The following METTL22 variants were observed in gnomAD, a reference collection of about 807,000 sequenced individuals.
METTL22 encodes the protein methyltransferase 22, Kin17 lysine.
In METTL22, 51 loss-of-function variants were observed where a neutral mutation model predicts 48.4. The ratio of observed to expected loss-of-function variants is 1.05; its 90% CI spans 0.84 to 1.33. The LOEUF (loss-of-function observed/expected upper bound fraction) is 1.33, where lower values mean the gene tolerates loss of function less well. Ranked by LOEUF, METTL22 falls within the 40% of genes most tolerant of loss-of-function variation. The pLI is 0.00. For missense variants in METTL22, 678 were observed against 526.9 expected, an observed-to-expected ratio of 1.29 and a Z score of -2.81; for synonymous variants, 255 against 214.1, an observed-to-expected ratio of 1.19 and a Z score of -1.67.
rs113798057 is a variant in METTL22, at chr16:8,629,744, G to C, written c.514+634G>C. Among the ~76,000 whole-genome samples the C allele has an allele frequency of 1.2e-4, 18 of 152,266 alleles. 1 individual carries two copies. Among genetic ancestry groups the C allele is most frequent in the African/African-American group, 4.3e-4 (18 of 41,546 alleles). On this transcript the variant is annotated intron_variant, in intron 3 of 10. Transcript: ENST00000381920. ...GCTACCCAGGTATGGGGGCAGAGCAGAGGGGTTTGCTGACTCTAGGATTTG... is the reference window on the plus strand; with the variant it reads ...GCTACCCAGGTATGGGGGCAGAGCACAGGGGTTTGCTGACTCTAGGATTTG...
rs745643775 is a variant in METTL22 at position 8,629,061 on chromosome 16, C to T, written c.465C>T (p.Asp155=). The T allele has an allele frequency of 3.7e-6, 6 of 1,613,796 alleles. No homozygotes were observed. In the Admixed American group the frequency reaches 5.0e-5, roughly 13 times the overall value. The stretch of plus-strand genomic sequence containing the variant: ...TGATTCTAGCACAGGAAGAAGACGA[C>T]GTCCTGGGAGAGGAAGCACAAGGCA... ...HPMILAQEED[D]VLGEEAQGSP... The change falls in exon 3 of 11, where the codon GAC becomes GAT. Residue 155 remains aspartate, a synonymous_variant. Transcript: ENST00000381920.
chr16:8,622,699 C>T (rs1449907417), intron 1 of METTL22, among the ~76,000 whole-genome samples: 1 of 152,034 alleles, frequency 6.6e-6, no homozygotes, highest in Admixed American at 6.5e-5. Context: ...TGTCGTAAGC[C>T]CGAAAAGTGG....
intron 5 of METTL22, among the ~76,000 whole-genome samples, chr16:8,636,460 G>A (rs1429991678): frequency 3.3e-5 from 5 of 150,208 alleles, no homozygotes; most frequent in Non-Finnish European, 5.9e-5. Context: ...GGCAGAGGTT[G>A]CAGTGAGCTG....
chr16:8,623,150 C>T (rs1438626686), intron 1 of METTL22, among the ~76,000 whole-genome samples: 1 of 151,878 alleles, frequency 6.6e-6, no homozygotes, highest in East Asian at 1.9e-4. Flanking sequence ...CCCATCTTTA[C>T]TAAAAATACA....
the METTL22 span, among the ~76,000 whole-genome samples, chr16:8,657,225 T>G: frequency 6.6e-6 from 1 of 152,202 alleles, no homozygotes; most frequent in Non-Finnish European, 1.5e-5. Flanking sequence ...CCCTCCAAGC[T>G]AGTCCAGTTG....
At chr16:8,658,065 C>T in the METTL22 span, among the ~76,000 whole-genome samples, 1 of 152,184 alleles carries the variant, frequency 6.6e-6, no homozygotes, top group Non-Finnish European at 1.5e-5. Context: ...AATCCTCCCA[C>T]CTTGGCCTCC....
the METTL22 span, among the ~76,000 whole-genome samples, chr16:8,654,693 C>T: frequency 1.1e-3 from 172 of 152,242 alleles, no homozygotes; most frequent in Middle Eastern, 0.01. Context: ...GTTCAGAGGG[C>T]AAATCATCCC....
At chr16:8,662,448 A>G in the METTL22 span, among the ~76,000 whole-genome samples, 1 of 144,468 alleles carries the variant, frequency 6.9e-6, no homozygotes, top group Admixed American at 7.1e-5. Context: ...GGGCTGGGAC[A>G]TGATGACAGT....
In METTL22 at chr16:8,646,187, T is replaced by A; in HGVS notation, c.*44T>A. On this transcript the variant is annotated 3_prime_UTR_variant, in exon 11 of 11. Transcript: ENST00000381920. ...CGCGGCGTCTCGACTGTTCTTAGAG[T>A]GTATTTCTAGTAAAATCAGAAGCTC... 6.2e-7 allele frequency: 1 copy of A among 1,609,122 alleles called. No individual in the cohort carries two copies.
chr16:8,641,054 A>G (rs1166837413), intron 6 of METTL22, 77 bp from the exon 7 acceptor site: 9 of 1,355,840 alleles, frequency 6.6e-6, no homozygotes, highest in African/African-American at 4.3e-5. Flanking sequence ...GGATCTTCAT[A>G]TATAGTGTAA....
At chr16:8,651,201 C>G (rs1346645942), downstream of METTL22, among the ~76,000 whole-genome samples, 1 of 151,732 alleles carries the variant, frequency 6.6e-6, no homozygotes, top group Non-Finnish European at 1.5e-5. Context: ...TCCTGGCTAA[C>G]ATGGTGAAAC....
chr16:8,621,961 G>A (rs749450504), intron 1 of METTL22, among the ~76,000 whole-genome samples, 186 bp downstream of exon 1: 3 of 152,192 alleles, frequency 2.0e-5, no homozygotes, highest in Non-Finnish European at 2.9e-5. Flanking sequence ...TCCTCACCTG[G>A]GTTTCCATCC....
In METTL22 at chr16:8,646,304, G is replaced by C; in HGVS notation, c.*161G>C. ...AGATGGTTTTCTGGGGTCTGTCCCTGCCTCCCAGTTGTAGCCAGAGAAGGT... is the reference window on the plus strand; with the variant it reads ...AGATGGTTTTCTGGGGTCTGTCCCTCCCTCCCAGTTGTAGCCAGAGAAGGT... On this transcript the variant is annotated 3_prime_UTR_variant, in exon 11 of 11. Transcript: ENST00000381920. 1.1e-6 allele frequency: 1 copy of C among 882,664 alleles called. No individual in the cohort carries two copies. The highest frequency in any genetic ancestry group is 2.1e-4 in the Middle Eastern group (1 of 4,720). 54.7% of individuals were successfully genotyped at this position (882,664 alleles called of 1,614,324 possible).
At chr16:8,651,295 T>G (rs6498515), downstream of METTL22, among the ~76,000 whole-genome samples, 148,329 of 150,184 alleles carry the variant, frequency 0.99, 73,273 homozygotes, top group Middle Eastern at 1. Flanking sequence ...GCTAAGGCAG[T>G]AGAATGGCGT....
At chr16:8,637,360 C>T (rs946053851) in intron 5 of METTL22, among the ~76,000 whole-genome samples, 6 of 152,278 alleles carry the variant, frequency 3.9e-5, no homozygotes, top group African/African-American at 1.2e-4. Context: ...AGAGTCAAGC[C>T]GTCCAAGAGC....
intron 1 of METTL22, among the ~76,000 whole-genome samples, chr16:8,622,633 A>T (rs1319811936): frequency 1.3e-5 from 2 of 152,224 alleles, no homozygotes. Flanking sequence ...TTTAATCATT[A>T]TTATATTACT....
intron 1 of METTL22, among the ~76,000 whole-genome samples, chr16:8,624,741 C>A (rs963957667): frequency 1.3e-5 from 2 of 152,004 alleles, no homozygotes; most frequent in African/African-American, 4.8e-5. Context: ...GGTGGCATAG[C>A]TGTAGTCCTA....
At chr16:8,650,342 C>T (rs542470995), downstream of METTL22, among the ~76,000 whole-genome samples, 1 of 152,100 alleles carries the variant, frequency 6.6e-6, no homozygotes, top group Non-Finnish European at 1.5e-5. Flanking sequence ...GAAAAAAAAA[C>T]CCACCAACTC....
At chr16:8,665,291 G>A in the METTL22 span, among the ~76,000 whole-genome samples, 3 of 152,022 alleles carry the variant, frequency 2.0e-5, no homozygotes, top group African/African-American at 7.3e-5. Flanking sequence ...AGAGTGAGAC[G>A]CTCTCTCAAA....
Sources: allele counts gnomAD v4.1 joint callset (sites outside exome capture counted in the v4.1 genomes callset), GRCh38; gene constraint gnomAD v4.1.1; transcripts MANE v1.5; gene names NCBI Gene and HGNC (gene_info 2026-07-23, HGNC 2026-07-21).